The following HDAC9 variants were observed in gnomAD, a reference collection of about 807,000 sequenced individuals.
The protein encoded by HDAC9 is histone deacetylase 9.
In HDAC9, 41 loss-of-function variants were observed where a neutral mutation model predicts 139.4. The ratio of observed to expected loss-of-function variants is 0.29; its 90% CI spans 0.23 to 0.38. The LOEUF is 0.38. Ranked by LOEUF, HDAC9 falls within the 10% of genes least tolerant of loss-of-function variation. The pLI, the probability that HDAC9 is intolerant of heterozygous loss-of-function variation, is 1.00. For synonymous variants in HDAC9, 517 were observed against 476.2 expected (o/e 1.09, Z -1.12); for missense variants, 1,147 against 1,297.0 (o/e 0.88, Z 1.78).
In HDAC9 at chr7:18,197,219, A is replaced by G. The variant is rs114215829; in HGVS notation, c.25+34870A>G. Among the ~76,000 whole-genome samples the G allele has an allele frequency of 4.2e-3, 637 of 152,284 alleles. 6 individuals carry two copies. Among genetic ancestry groups the G allele is most frequent in the African/African-American group, 0.015 (616 of 41,558 alleles). On this transcript the variant is annotated intron_variant, in intron 2 of 12. Coordinates refer to the HDAC9 transcript ENST00000417496. ...GCCAGACCCCTTAATCATGTGAGCC[A>G]ATTCCTTATAATCAGTCTCCCTTTC...
At chr7:18,183,214 T>C (rs1450987200) in intron 2 of HDAC9, among the ~76,000 whole-genome samples, 1 of 152,144 alleles carries the variant, frequency 6.6e-6, no homozygotes, top group Non-Finnish European at 1.5e-5. Flanking sequence ...TTTCACCGTG[T>C]TAGCCAGGAT....
chr7:18,661,055 C>T (rs181983279), intron 11 of HDAC9, among the ~76,000 whole-genome samples: 1 of 152,142 alleles, frequency 6.6e-6, no homozygotes, highest in African/African-American at 2.4e-5. Context: ...AATCAAGGAG[C>T]CCAGAGTAGG....
chr7:18,253,853 A>G (rs1795075992), intron 2 of HDAC9, among the ~76,000 whole-genome samples: 1 of 152,108 alleles, frequency 6.6e-6, no homozygotes, highest in African/African-American at 2.4e-5. Context: ...TGAAGGGTTC[A>G]TTTTTCATCC....
intron 6 of HDAC9, among the ~76,000 whole-genome samples, chr7:18,602,955 T>C (rs1239287371): frequency 1.3e-5 from 2 of 152,114 alleles, no homozygotes; most frequent in African/African-American, 4.8e-5. Context: ...TAACAGGTTT[T>C]GCCTCATGTA....
chr7:18,403,130 A>G (rs998281554), intron 1 of HDAC9, among the ~76,000 whole-genome samples: 1 of 152,190 alleles, frequency 6.6e-6, no homozygotes, highest in Non-Finnish European at 1.5e-5. Context: ...ACAGATTTGG[A>G]GCTGGGAATT....
chr7:18,494,377 A>G (rs909904885), upstream of HDAC9, among the ~76,000 whole-genome samples: 2 of 152,020 alleles, frequency 1.3e-5, no homozygotes, highest in African/African-American at 4.8e-5. Flanking sequence ...GGAGTTGACC[A>G]AGATCCCTCT....
chr7:18,284,506 G>C (rs1247728230), intron 2 of HDAC9, among the ~76,000 whole-genome samples: 3 of 152,104 alleles, frequency 2.0e-5, no homozygotes, highest in African/African-American at 7.2e-5. Flanking sequence ...AAGTGTGTTT[G>C]AAGACTACCA....
chr7:18,531,165 A>G (rs1348731163), intron 2 of HDAC9, among the ~76,000 whole-genome samples: 1 of 152,052 alleles, frequency 6.6e-6, no homozygotes, highest in Non-Finnish European at 1.5e-5. Context: ...TTCTTAGTTC[A>G]TTCATTTATT....
chr7:18,632,482 G>A (rs554662997), intron 7 of HDAC9, among the ~76,000 whole-genome samples: 2 of 152,114 alleles, frequency 1.3e-5, no homozygotes, highest in East Asian at 1.9e-4. Flanking sequence ...AGGGACATAC[G>A]TTATATGAGC....
intron 1 of HDAC9, among the ~76,000 whole-genome samples, chr7:18,409,369 T>C (rs924532239): frequency 2.0e-5 from 3 of 152,212 alleles, no homozygotes; most frequent in Non-Finnish European, 4.4e-5. Context: ...TCTTTCACAG[T>C]ATAAGCTGAT....
At chr7:18,863,142 G>A (rs1798238238) in intron 21 of HDAC9, among the ~76,000 whole-genome samples, 3 of 152,184 alleles carry the variant, frequency 2.0e-5, no homozygotes, top group Admixed American at 6.5e-5. Flanking sequence ...CAGTAGAAAT[G>A]GGAATGGCCT....
intron 6 of HDAC9, among the ~76,000 whole-genome samples, chr7:18,619,433 A>G (rs1001966829): frequency 7.9e-5 from 12 of 152,214 alleles, no homozygotes; most frequent in African/African-American, 2.7e-4. Flanking sequence ...AGTACTGGAA[A>G]TAGACACAAG....
chr7:18,433,191 A>G (rs1471069831), intron 1 of HDAC9, among the ~76,000 whole-genome samples: 1 of 152,200 alleles, frequency 6.6e-6, no homozygotes, highest in African/African-American at 2.4e-5. Context: ...ATAAAATTCA[A>G]CATTCTTTCA....
At chr7:18,919,217 C>A (rs1257560046) in intron 22 of HDAC9, among the ~76,000 whole-genome samples, 2 of 151,972 alleles carry the variant, frequency 1.3e-5, no homozygotes, top group African/African-American at 2.4e-5. Flanking sequence ...TGCCCCTTAT[C>A]GTGATACCTA....
intron 25 of HDAC9, among the ~76,000 whole-genome samples, chr7:18,991,009 G>A (rs12539815): frequency 0.12 from 18,198 of 152,242 alleles, 1,807 homozygotes; most frequent in East Asian, 0.45. Context: ...CGTCTTCTGC[G>A]TTGCCCATGC....
chr7:18,673,290 T>G (rs1008655291), intron 12 of HDAC9, among the ~76,000 whole-genome samples: 1 of 151,970 alleles, frequency 6.6e-6, no homozygotes, highest in Non-Finnish European at 1.5e-5. Flanking sequence ...AAAAAAATTA[T>G]GTCGAACTAA....
In HDAC9 at chr7:18,350,375, T is replaced by C. The variant is rs924571161; in HGVS notation, c.-42+59860T>C. 2.0e-5 allele frequency among the ~76,000 whole-genome samples: 3 copies of C among 152,294 alleles called. No individual in the cohort carries two copies. The East Asian group carries it at 5.8e-4, about 29-fold the overall frequency. ...TACTGGCATTTGTGCAAAACAACAT[T>C]TAGCAACTGTCAGTGACAATACTCA... On this transcript the variant is annotated intron_variant, in intron 1 of 3. Transcript: ENST00000413509.
chr7:18,985,334 C>T (rs1585485047), intron 25 of HDAC9, among the ~76,000 whole-genome samples: 1 of 151,744 alleles, frequency 6.6e-6, no homozygotes, highest in East Asian at 1.9e-4. Context: ...GTTTTTTGTT[C>T]TTGCGATAGT....
chr7:18,539,009 C>A (rs1811831389), intron 2 of HDAC9, among the ~76,000 whole-genome samples: 1 of 152,148 alleles, frequency 6.6e-6, no homozygotes, highest in Admixed American at 6.5e-5. Context: ...TGTAAAGCCA[C>A]AAGTTCCACC....
Sources: allele counts gnomAD v4.1 joint callset (sites outside exome capture counted in the v4.1 genomes callset), GRCh38; gene constraint gnomAD v4.1.1; transcripts MANE v1.5; gene names NCBI Gene and HGNC (gene_info 2026-07-23, HGNC 2026-07-21).